The following CDYL2 variants were observed in gnomAD, a reference collection of about 807,000 sequenced individuals.
CDYL2 encodes chromodomain Y like 2.
CDYL2 carries 23 observed loss-of-function variants against 49.4 expected under a neutral mutation model. That is an observed-to-expected ratio of 0.47 (90% CI 0.34 to 0.66). The LOEUF is 0.66. Ranked by LOEUF, CDYL2 falls within the 30% of genes least tolerant of loss-of-function variation. CDYL2 has a pLI of 0.01. For missense variants in CDYL2, 678 were observed against 656.4 expected (o/e 1.03, Z -0.36); for synonymous variants, 360 against 268.8 (o/e 1.34, Z -3.32).
chr16:80,789,933 T>C lies in CDYL2; in HGVS notation c.24+14217A>G, dbSNP rs1269171244. ...AAAAGGAAAGAAGATGTGAGGGGGA[T>C]GAGGGTTGAAAAATTACCTACTGGG... On this transcript the variant is annotated intron_variant, in intron 1 of 6. Transcript: ENST00000570137. Among the ~76,000 whole-genome samples, 3 of 152,186 alleles carry C rather than the reference T, an allele frequency of 2.0e-5. No individual in the cohort carries two copies. In the South Asian group the frequency reaches 6.2e-4, roughly 32 times the overall value.
In CDYL2 at chr16:80,685,260, A is replaced by G. The variant is rs112291930; in HGVS notation, c.25-131T>C. 1,005 of 678,478 alleles carry G rather than the reference A, an allele frequency of 1.5e-3. 6 individuals are homozygous for G. In the East Asian group the frequency reaches 0.015, roughly 10 times the overall value. The allele number at this position is 678,478 out of a possible 1,614,324, so 42.0% of individuals were successfully genotyped here. On this transcript the variant is annotated intron_variant, in intron 1 of 6. Coordinates refer to ENST00000570137, the MANE Select transcript of CDYL2 (RefSeq NM_152342.4). ...CTAGCCAGGGGGTGAGCCACGAGCC[A>G]TTCAATGCCAGAAGCCAACACTGGC...
At chr16:80,776,130 T>G (rs1417657858) in intron 1 of CDYL2, among the ~76,000 whole-genome samples, 2 of 152,186 alleles carry the variant, frequency 1.3e-5, no homozygotes, top group South Asian at 2.1e-4. Context: ...AAGAGCAAAT[T>G]AGCAACTGAA....
chr16:80,607,138 G>A (rs1257092269), intron 6 of CDYL2, among the ~76,000 whole-genome samples: 4 of 152,086 alleles, frequency 2.6e-5, no homozygotes, highest in Non-Finnish European at 5.9e-5. Context: ...AAATGCTCGT[G>A]GCCCGCGTGA....
chr16:80,759,118 A>ATATATATGGTT (rs1555535885), intron 1 of CDYL2, among the ~76,000 whole-genome samples: 1 of 118,464 alleles, frequency 8.4e-6, no homozygotes, highest in Non-Finnish European at 1.7e-5. Flanking sequence ...ATATATATAT[A>ATATATATGGTT]TATATATATA....
chr16:80,802,195 G>T (rs546668665), intron 1 of CDYL2, among the ~76,000 whole-genome samples: 12 of 152,244 alleles, frequency 7.9e-5, no homozygotes, highest in Non-Finnish European at 1.6e-4. Flanking sequence ...TCCCCAGAAG[G>T]TTCATAAGTT....
At chr16:80,662,193 C>T (rs56242207) in intron 2 of CDYL2, among the ~76,000 whole-genome samples, 4,233 of 152,238 alleles carry the variant, frequency 0.028, 80 homozygotes, top group Middle Eastern at 0.037. Context: ...TCACATCTGG[C>T]GCTCTGAGTG....
intron 1 of CDYL2, among the ~76,000 whole-genome samples, chr16:80,749,294 T>C (rs889184622): frequency 1.3e-5 from 2 of 152,204 alleles, no homozygotes; most frequent in South Asian, 2.1e-4. Flanking sequence ...TGAAAACATA[T>C]AAAAGTTATT....
chr16:80,793,210 G>A (rs1342342524), intron 1 of CDYL2, among the ~76,000 whole-genome samples: 1 of 152,172 alleles, frequency 6.6e-6, no homozygotes, highest in Non-Finnish European at 1.5e-5. Context: ...AGGTGCAAAT[G>A]GCAGAAGCAA....
At chr16:80,735,535 T>C (rs1418385019) in intron 1 of CDYL2, among the ~76,000 whole-genome samples, 1 of 152,078 alleles carries the variant, frequency 6.6e-6, no homozygotes, top group Non-Finnish European at 1.5e-5. Context: ...ATTAATACCA[T>C]CCCCATGTTT....
At chr16:80,746,840 A>G (rs1159851116) in intron 1 of CDYL2, among the ~76,000 whole-genome samples, 1 of 152,166 alleles carries the variant, frequency 6.6e-6, no homozygotes, top group African/African-American at 2.4e-5. Flanking sequence ...TGCTTAAAAA[A>G]CTGAGCAGAC....
intron 1 of CDYL2, among the ~76,000 whole-genome samples, chr16:80,705,273 C>T (rs1904366904): frequency 6.6e-6 from 1 of 152,216 alleles, no homozygotes; most frequent in Non-Finnish European, 1.5e-5. Context: ...AAGACCGTCC[C>T]TCAGGGTCAG....
chr16:80,626,457 C>T (rs1179230274), intron 3 of CDYL2, among the ~76,000 whole-genome samples: 1 of 152,092 alleles, frequency 6.6e-6, no homozygotes, highest in Admixed American at 6.5e-5. Context: ...AGGGTTGGAG[C>T]ATGTCAAGGT....
At chr16:80,620,986 C>G (rs776227435) in intron 3 of CDYL2, 51 bp from the exon 4 acceptor site, 1 of 1,484,904 alleles carries the variant, frequency 6.7e-7, no homozygotes, top group South Asian at 1.4e-5. Flanking sequence ...TCCTGTAAGC[C>G]TGGGGCTTTC....
intron 1 of CDYL2, among the ~76,000 whole-genome samples, chr16:80,696,811 T>C (rs1022450112): frequency 1.3e-5 from 2 of 151,918 alleles, no homozygotes; most frequent in African/African-American, 4.8e-5. Flanking sequence ...ACTCTAAAAC[T>C]AATTCTTCTC....
intron 4 of CDYL2, among the ~76,000 whole-genome samples, chr16:80,615,934 C>G (rs1420007320): frequency 1.3e-5 from 2 of 152,288 alleles, no homozygotes; most frequent in East Asian, 3.9e-4. Context: ...TATTGCATTA[C>G]GGGCCCTGCA....
At chr16:80,610,952 C>A (rs999831395) in intron 5 of CDYL2, among the ~76,000 whole-genome samples, 1 of 152,144 alleles carries the variant, frequency 6.6e-6, no homozygotes, top group South Asian at 2.1e-4. Flanking sequence ...CTCGCAGGGG[C>A]CACTCCACGC....
rs372332079 is a variant in CDYL2, at chr16:80,763,722, G to A, written c.24+40428C>T. On this transcript the variant is annotated intron_variant, in intron 1 of 6. Transcript: ENST00000570137. ...TAAAAGTGACATTAATCTTGGTTCA[G>A]TACAATCTGGAGTCCCAAAATAATT... Among the ~76,000 whole-genome samples the A allele has an allele frequency of 4.6e-4, 70 of 152,330 alleles. No individual in the cohort carries two copies. In the Middle Eastern group the frequency reaches 0.01, roughly 22 times the overall value.
chr16:80,657,776 G>A (rs968060159), intron 2 of CDYL2, among the ~76,000 whole-genome samples: 6 of 152,022 alleles, frequency 3.9e-5, no homozygotes, highest in African/African-American at 7.3e-5. Flanking sequence ...TTACTCTCAC[G>A]AAACCCAGCA....
chr16:80,622,186 C>A (rs1907112318), intron 3 of CDYL2, among the ~76,000 whole-genome samples: 1 of 152,186 alleles, frequency 6.6e-6, no homozygotes, highest in African/African-American at 2.4e-5. Context: ...AGGACTCAGC[C>A]CCAGAGCACG....
Sources: gnomAD v4.1 joint callset for allele counts (sites outside exome capture counted in the v4.1 genomes callset) on GRCh38, gnomAD v4.1.1 for gene constraint, MANE v1.5 for transcripts, NCBI Gene and HGNC (gene_info 2026-07-23, HGNC 2026-07-21) for gene names.